PPARGC1A: variants seen among roughly 807,000 people sequenced by gnomAD.
The protein encoded by PPARGC1A is peroxisome proliferator-activated receptor gamma coactivator 1-alpha.
Under a neutral mutation model 88.7 loss-of-function variants are expected in PPARGC1A, and 25 were observed. That is an observed-to-expected ratio of 0.28 (90% confidence interval 0.21 to 0.39). The LOEUF (loss-of-function observed/expected upper bound fraction) is 0.39, where lower values mean the gene tolerates loss of function less well. Among genes scored for constraint, PPARGC1A ranks in the 10% least tolerant of loss-of-function variants. The pLI is 1.00. For missense variants in PPARGC1A, 880 were observed against 968.7 expected (o/e 0.91, Z 1.22); for synonymous variants, 363 against 355.6 (o/e 1.02, Z -0.24).
At chr4:23,858,879 A>G (rs1043033948) in intron 2 of PPARGC1A, among the ~76,000 whole-genome samples, 1 of 150,984 alleles carries the variant, frequency 6.6e-6, no homozygotes, top group African/African-American at 2.4e-5. Flanking sequence ...GTTGAAATAT[A>G]AATACAAATT....
chr4:24,306,776 G>T, the PPARGC1A span, among the ~76,000 whole-genome samples: 1 of 152,168 alleles, frequency 6.6e-6, no homozygotes, highest in Non-Finnish European at 1.5e-5. Context: ...GCTCACCCCT[G>T]ATCTAGACCC....
chr4:24,457,442 TCAGA>T, the PPARGC1A span, among the ~76,000 whole-genome samples: 1 of 152,220 alleles, frequency 6.6e-6, no homozygotes, highest in African/African-American at 2.4e-5. Flanking sequence ...CTGGGTCCAA[TCAGA>T]CAAACAATAA....
chr4:24,097,654 A>G, the PPARGC1A span, among the ~76,000 whole-genome samples: 1 of 152,208 alleles, frequency 6.6e-6, no homozygotes, highest in Non-Finnish European at 1.5e-5. Flanking sequence ...ACTCTATAAT[A>G]AAACAAATAG....
intron 2 of PPARGC1A, among the ~76,000 whole-genome samples, chr4:23,836,807 G>A (rs2148582390): frequency 6.6e-6 from 1 of 152,262 alleles, no homozygotes; most frequent in South Asian, 2.1e-4. Flanking sequence ...CTTCCAACTG[G>A]TTATACATGG....
At chr4:24,454,428 C>T in the PPARGC1A span, among the ~76,000 whole-genome samples, 357 of 152,076 alleles carry the variant, frequency 2.3e-3, 2 homozygotes, top group African/African-American at 8.2e-3. Context: ...AAGAGCAAAG[C>T]AATCCGGATA....
At chr4:23,986,381 A>G in the PPARGC1A span, among the ~76,000 whole-genome samples, 2 of 152,090 alleles carry the variant, frequency 1.3e-5, no homozygotes, top group Non-Finnish European at 2.9e-5. Flanking sequence ...CTCAAATTAA[A>G]ATGATTTGTA....
At chr4:24,387,934 GAGAAAGAA>G in the PPARGC1A span, among the ~76,000 whole-genome samples, 24 of 71,502 alleles carry the variant, frequency 3.4e-4, no homozygotes, top group African/African-American at 9.4e-4. Context: ...AAGAAAGAAA[GAGAAAGAA>G]AGAAAGAAAG....
At chr4:24,318,839 A>C in the PPARGC1A span, among the ~76,000 whole-genome samples, 1 of 152,226 alleles carries the variant, frequency 6.6e-6, no homozygotes, top group Non-Finnish European at 1.5e-5. Context: ...AAAAACAGAT[A>C]ACAAAATACA....
the PPARGC1A span, among the ~76,000 whole-genome samples, chr4:24,316,004 A>G: frequency 1.3e-5 from 2 of 152,210 alleles, no homozygotes; most frequent in East Asian, 1.9e-4. Flanking sequence ...CCCAATGCCC[A>G]TATAAACAAG....
At chr4:24,333,343 T>G in the PPARGC1A span, among the ~76,000 whole-genome samples, 2 of 152,112 alleles carry the variant, frequency 1.3e-5, no homozygotes, top group Admixed American at 6.6e-5. Flanking sequence ...TTTTAAAAAT[T>G]TTTTAATCAA....
chr4:24,383,120 A>G, the PPARGC1A span, among the ~76,000 whole-genome samples: 1 of 152,214 alleles, frequency 6.6e-6, no homozygotes, highest in Non-Finnish European at 1.5e-5. Context: ...ACTTCAGCAG[A>G]CCTGCAGCAG....
chr4:24,439,982 C>T, the PPARGC1A span, among the ~76,000 whole-genome samples: 2 of 152,228 alleles, frequency 1.3e-5, no homozygotes, highest in African/African-American at 4.8e-5. Flanking sequence ...CCTCATTATT[C>T]AAACTGTTTT....
At chr4:24,181,938 G>C in the PPARGC1A span, among the ~76,000 whole-genome samples, 3 of 151,758 alleles carry the variant, frequency 2.0e-5, no homozygotes, top group Admixed American at 6.6e-5. Context: ...ATCCTTCTGA[G>C]GAAACAAGAT....
chr4:23,876,909 T>C (rs888417277), intron 2 of PPARGC1A, among the ~76,000 whole-genome samples: 2 of 152,136 alleles, frequency 1.3e-5, no homozygotes, highest in African/African-American at 4.8e-5. Flanking sequence ...GCTGCAAACC[T>C]TGAATGAATA....
At chr4:24,355,745 GAC>G in the PPARGC1A span, among the ~76,000 whole-genome samples, 1 of 152,026 alleles carries the variant, frequency 6.6e-6, no homozygotes, top group Non-Finnish European at 1.5e-5. Context: ...AGAGACAAGC[GAC>G]ACACAAAAGA....
the PPARGC1A span, among the ~76,000 whole-genome samples, chr4:24,109,611 A>G: frequency 1.3e-5 from 2 of 152,162 alleles, no homozygotes; most frequent in Non-Finnish European, 1.5e-5. Context: ...GTCTCCATCA[A>G]TTACAAGTCT....
chr4:23,911,990 A>G, the PPARGC1A span, among the ~76,000 whole-genome samples: 1 of 152,230 alleles, frequency 6.6e-6, no homozygotes, highest in Non-Finnish European at 1.5e-5. Context: ...ACCAACTTCA[A>G]ACTGAATAAT....
chr4:24,023,810 G>T, the PPARGC1A span, among the ~76,000 whole-genome samples: 2 of 148,298 alleles, frequency 1.3e-5, no homozygotes, highest in Non-Finnish European at 1.5e-5. Context: ...TGGAATACAA[G>T]GTAGAAATAC....
upstream of PPARGC1A, among the ~76,000 whole-genome samples, chr4:23,901,624 T>A (rs1719399222): frequency 6.6e-6 from 1 of 151,872 alleles, no homozygotes; most frequent in Admixed American, 6.6e-5. Flanking sequence ...CAGCATGAGC[T>A]TGGGACAATG....
Sources: allele counts gnomAD v4.1 joint callset (sites outside exome capture counted in the v4.1 genomes callset), GRCh38; gene constraint gnomAD v4.1.1; transcripts MANE v1.5; gene names NCBI Gene and HGNC (gene_info 2026-07-23, HGNC 2026-07-21).